Variants in NDST3 observed in about 807,000 individuals in gnomAD.
The protein encoded by NDST3 is bifunctional heparan sulfate N-deacetylase/N-sulfotransferase 3.
NDST3 carries 58 observed loss-of-function variants against 96.1 expected under a neutral mutation model. The observed-to-expected ratio is 0.60, with a 90% CI of 0.49 to 0.75. The LOEUF is 0.75. Among genes scored for constraint, NDST3 ranks in the 30% least tolerant of loss-of-function variants. NDST3 has a pLI of 0.00. For synonymous variants in NDST3, 333 were observed against 359.7 expected (o/e 0.93, Z 0.84); for missense variants, 788 against 1,034.2 (o/e 0.76, Z 3.27).
At chr4:118,110,078 A>G (rs1730518394) in intron 3 of NDST3, among the ~76,000 whole-genome samples, 1 of 152,186 alleles carries the variant, frequency 6.6e-6, no homozygotes, top group African/African-American at 2.4e-5. Flanking sequence ...CCAAGGTCAC[A>G]TAGCTTGTGA....
intron 4 of NDST3, among the ~76,000 whole-genome samples, chr4:118,132,781 T>C (rs901303663): frequency 4.6e-5 from 7 of 152,138 alleles, no homozygotes; most frequent in Non-Finnish European, 7.4e-5. Flanking sequence ...AGGTGATAAA[T>C]CCTTCCAAGA....
At chr4:118,198,931 G>C (rs1428981236) in intron 6 of NDST3, among the ~76,000 whole-genome samples, 1 of 151,950 alleles carries the variant, frequency 6.6e-6, no homozygotes, top group South Asian at 2.1e-4. Flanking sequence ...CACTAGATGT[G>C]TTGGAGCTCC....
chr4:118,225,986 GT>G (rs1034283773), intron 7 of NDST3, among the ~76,000 whole-genome samples: 2 of 149,632 alleles, frequency 1.3e-5, no homozygotes, highest in Non-Finnish European at 3.0e-5. Context: ...GTTTTAAACT[GT>G]TTTTTTGTTT....
intron 4 of NDST3, among the ~76,000 whole-genome samples, chr4:118,134,680 A>G (rs13134901): frequency 0.79 from 119,837 of 152,114 alleles, 49,873 homozygotes; most frequent in South Asian, 0.92. Context: ...ACCCTGCAGA[A>G]AGAGAATATC....
At chr4:118,202,886 G>T (rs189808697) in intron 6 of NDST3, among the ~76,000 whole-genome samples, 2 of 152,236 alleles carry the variant, frequency 1.3e-5, no homozygotes, top group African/African-American at 4.8e-5. Context: ...TCTTGGTTCT[G>T]TTCCAGTTCT....
At chr4:118,179,394 C>T (rs1736461745) in intron 6 of NDST3, among the ~76,000 whole-genome samples, 1 of 151,784 alleles carries the variant, frequency 6.6e-6, no homozygotes, top group African/African-American at 2.4e-5. Flanking sequence ...TTGAGGTTTG[C>T]AAAAATTAGG....
chr4:118,147,685 A>G (rs1238753476), intron 6 of NDST3, among the ~76,000 whole-genome samples: 2 of 152,204 alleles, frequency 1.3e-5, no homozygotes, highest in African/African-American at 4.8e-5. Context: ...AGTTCCACCT[A>G]TCTTAGGAAG....
chr4:118,041,941 T>C (rs1196727182), intron 1 of NDST3, among the ~76,000 whole-genome samples: 2 of 152,150 alleles, frequency 1.3e-5, no homozygotes, highest in African/African-American at 4.8e-5. Flanking sequence ...AGAGTTATGA[T>C]AAAGTCTCCA....
chr4:118,068,353 T>C (rs967470641), intron 2 of NDST3, among the ~76,000 whole-genome samples: 1 of 152,066 alleles, frequency 6.6e-6, no homozygotes, highest in African/African-American at 2.4e-5. Flanking sequence ...GCACCAGTGA[T>C]GAATCTACTG....
intron 2 of NDST3, among the ~76,000 whole-genome samples, chr4:118,102,235 AAAAAC>A (rs1387000503): frequency 6.6e-6 from 1 of 152,086 alleles, no homozygotes; most frequent in African/African-American, 2.4e-5. Flanking sequence ...TGGAAAAACT[AAAAAC>A]AAAAGTCCCA....
At chr4:118,144,300 C>G (rs536437589) in intron 6 of NDST3, among the ~76,000 whole-genome samples, 1 of 152,176 alleles carries the variant, frequency 6.6e-6, no homozygotes, top group East Asian at 1.9e-4. Context: ...CCTGCCTCAG[C>G]CTCCCGAGTA....
intron 2 of NDST3, among the ~76,000 whole-genome samples, chr4:118,100,908 T>G (rs185464347): frequency 1.3e-5 from 2 of 152,178 alleles, no homozygotes; most frequent in Non-Finnish European, 2.9e-5. Flanking sequence ...GATAGACACA[T>G]AGGCATAGGA....
At chr4:118,214,759 C>G (rs1292021317) in intron 6 of NDST3, among the ~76,000 whole-genome samples, 7 of 152,090 alleles carry the variant, frequency 4.6e-5, no homozygotes, top group Non-Finnish European at 7.4e-5. Flanking sequence ...ATTGACAAAA[C>G]AAGTCCAGTT....
intron 4 of NDST3, among the ~76,000 whole-genome samples, chr4:118,130,639 T>C (rs1255416625): frequency 6.6e-6 from 1 of 152,212 alleles, no homozygotes; most frequent in Non-Finnish European, 1.5e-5. Context: ...TTTCTCTGTG[T>C]GCCTACTATT....
intron 6 of NDST3, among the ~76,000 whole-genome samples, chr4:118,149,384 A>T (rs374113370): frequency 2.0e-4 from 31 of 151,958 alleles, no homozygotes; most frequent in African/African-American, 6.3e-4. Flanking sequence ...TTCCTACCCA[A>T]GAGCATGGAA....
At chr4:118,147,581 G>A (rs989341031) in intron 6 of NDST3, among the ~76,000 whole-genome samples, 1 of 152,174 alleles carries the variant, frequency 6.6e-6, no homozygotes, top group Admixed American at 6.5e-5. Flanking sequence ...GGCAATGACT[G>A]CATCTGCCCT....
chr4:118,037,191 G>A (rs530826954), intron 1 of NDST3, among the ~76,000 whole-genome samples: 2 of 152,200 alleles, frequency 1.3e-5, no homozygotes, highest in East Asian at 1.9e-4. Flanking sequence ...AGGCCAGGAC[G>A]AAGATAGATG....
intron 2 of NDST3, among the ~76,000 whole-genome samples, chr4:118,063,519 G>A (rs997201020): frequency 6.6e-6 from 1 of 152,114 alleles, no homozygotes; most frequent in African/African-American, 2.4e-5. Flanking sequence ...TCTTGGTTAA[G>A]AGAATTTATT....
At chr4:118,103,832 G>A (rs1447148671) in intron 2 of NDST3, among the ~76,000 whole-genome samples, 3 of 152,164 alleles carry the variant, frequency 2.0e-5, no homozygotes, top group Non-Finnish European at 2.9e-5. Context: ...CTTATGTTAA[G>A]AGAGTAGTGA....
Sources: allele counts gnomAD v4.1 joint callset (sites outside exome capture counted in the v4.1 genomes callset), GRCh38; gene constraint gnomAD v4.1.1; transcripts MANE v1.5; gene names NCBI Gene and HGNC (gene_info 2026-07-23, HGNC 2026-07-21).